SAMD3: variants seen among roughly 807,000 people sequenced by gnomAD.
The protein encoded by SAMD3 is sterile alpha motif domain-containing protein 3.
In SAMD3, 63 loss-of-function variants were observed where a neutral mutation model predicts 58.5. The observed-to-expected ratio is 1.08, with a 90% CI of 0.88 to 1.33. SAMD3 has a LOEUF of 1.33. Ranked by LOEUF, SAMD3 falls within the 40% of genes most tolerant of loss-of-function variation. The pLI is 0.00. For synonymous variants in SAMD3, 220 were observed against 210.3 expected (o/e 1.05, Z -0.40); for missense variants, 604 against 608.4 (o/e 0.99, Z 0.08).
chr6:130,232,282 G>A (rs1367899477), intron 2 of SAMD3, among the ~76,000 whole-genome samples: 1 of 152,150 alleles, frequency 6.6e-6, no homozygotes, highest in Non-Finnish European at 1.5e-5. Context: ...CCAAAGGATT[G>A]GACAAGGCCA....
At chr6:130,263,341 C>T (rs939807039) in intron 2 of SAMD3, among the ~76,000 whole-genome samples, 1 of 152,158 alleles carries the variant, frequency 6.6e-6, no homozygotes, top group Non-Finnish European at 1.5e-5. Flanking sequence ...AGCACTTGTA[C>T]CACCCTTAGA....
intron 2 of SAMD3, among the ~76,000 whole-genome samples, chr6:130,263,841 G>A (rs12198181): frequency 0.49 from 74,572 of 151,838 alleles, 22,216 homozygotes; most frequent in African/African-American, 0.84. Context: ...CCCCAGTGCC[G>A]ACCAGGAGTC....
rs10529435 is a variant in SAMD3, at chr6:130,333,044, C to CGTGTGTGT, written c.-303-19959_-303-19952dup. On this transcript the variant is annotated intron_variant, in intron 1 of 13. Transcript: ENST00000368134. The stretch of plus-strand genomic sequence containing the variant: ...CAAGACAGGGCCACAGTTGAGTATG[C>CGTGTGTGT]GTGTGTGTGTGTGTGTGTGTGTGTG... Among the ~76,000 whole-genome samples, 352 of 143,648 alleles carry CGTGTGTGT rather than the reference C, an allele frequency of 2.5e-3. 2 individuals carry two copies. The highest frequency in any genetic ancestry group is 0.013 in the South Asian group (55 of 4,290). The allele number at this position is 143,648 out of a possible 152,430, so 94.2% of individuals were successfully genotyped here.
At chr6:130,304,176 A>G (rs1202137767) in intron 2 of SAMD3, among the ~76,000 whole-genome samples, 2 of 152,100 alleles carry the variant, frequency 1.3e-5, no homozygotes, top group Non-Finnish European at 2.9e-5. Context: ...ACATTGTTGA[A>G]CAGTCCTAAT....
chr6:130,294,909 A>ATTTTTTTTTTTTTTTTTTTTT lies in SAMD3; in HGVS notation c.-188+18048_-188+18068dup, dbSNP rs774036634. 8.9e-5 allele frequency among the ~76,000 whole-genome samples: 5 copies of ATTTTTTTTTTTTTTTTTTTTT among 56,170 alleles called. 1 individual carries two copies. The highest frequency in any genetic ancestry group is 4.1e-4 in the East Asian group (1 of 2,464). 36.8% of individuals were successfully genotyped at this position (56,170 alleles called of 152,430 possible). A position where few individuals can be genotyped will look rare whatever the true frequency, so the allele number is the denominator to read the frequency against. ...TCTAATTTTTCCATACATTTCTCTG[A>ATTTTTTTTTTTTTTTTTTTTT]TTTTTTTTTTTTTTTTTTTTTTTTT... On this transcript the variant is annotated intron_variant, in intron 2 of 13. Coordinates refer to the SAMD3 transcript ENST00000368134.
At chr6:130,240,959 CCTT>C (rs905981482) in intron 2 of SAMD3, among the ~76,000 whole-genome samples, 10 of 152,126 alleles carry the variant, frequency 6.6e-5, no homozygotes, top group Non-Finnish European at 1.5e-5. Context: ...TCCCTTCTCT[CCTT>C]CTACTAGTAA....
intron 1 of SAMD3, among the ~76,000 whole-genome samples, chr6:130,338,120 C>T (rs777307309): frequency 8.5e-5 from 13 of 152,192 alleles, no homozygotes; most frequent in Non-Finnish European, 1.6e-4. Context: ...AGCCTGGGGA[C>T]TTGGTGCCCT....
intron 2 of SAMD3, among the ~76,000 whole-genome samples, chr6:130,287,667 C>G (rs1487542480): frequency 6.6e-6 from 1 of 151,842 alleles, no homozygotes; most frequent in Non-Finnish European, 1.5e-5. Flanking sequence ...CAGGTGTGGC[C>G]GGGCGCAGTG....
At chr6:130,325,247 G>A (rs1246566270) in intron 1 of SAMD3, among the ~76,000 whole-genome samples, 2 of 152,182 alleles carry the variant, frequency 1.3e-5, no homozygotes, top group Non-Finnish European at 2.9e-5. Context: ...GATTATGGAG[G>A]CCAAGAGTCC....
intron 11 of SAMD3, 119 bp downstream of exon 11, chr6:130,145,221 G>T: frequency 2.0e-6 from 1 of 490,034 alleles, no homozygotes; most frequent in Non-Finnish European, 3.4e-6. Context: ...TCACGCCATT[G>T]TACTCCAGCC....
chr6:130,237,001 A>G lies in SAMD3; in HGVS notation c.-187-14188T>C, dbSNP rs553141683. Among the ~76,000 whole-genome samples the G allele has an allele frequency of 5.3e-4, 81 of 152,346 alleles. 1 individual carries two copies. The highest frequency in any genetic ancestry group is 1.7e-3 in the African/African-American group (69 of 41,584). ...TTTTATCCAACCCTGCTAATAATAT[A>G]AAACCAACTCAAACTTAATATTTTT... On this transcript the variant is annotated intron_variant, in intron 2 of 13. Coordinates refer to the SAMD3 transcript ENST00000368134.
chr6:130,363,237 G>A (rs1249558104), intron 1 of SAMD3, among the ~76,000 whole-genome samples: 1 of 152,112 alleles, frequency 6.6e-6, no homozygotes, highest in Non-Finnish European at 1.5e-5. Flanking sequence ...GCCTAAAAAT[G>A]CTATGGGCTA....
At chr6:130,188,094 T>A (rs1793170705) in intron 5 of SAMD3, among the ~76,000 whole-genome samples, 1 of 152,196 alleles carries the variant, frequency 6.6e-6, no homozygotes, top group Admixed American at 6.5e-5. Context: ...ATTTAAAAAA[T>A]GATTAGATGG....
intron 2 of SAMD3, among the ~76,000 whole-genome samples, chr6:130,260,780 A>T (rs1774097693): frequency 6.6e-6 from 1 of 152,200 alleles, no homozygotes; most frequent in African/African-American, 2.4e-5. Flanking sequence ...GAGACGCCTC[A>T]CCAGAGCAGT....
intron 2 of SAMD3, among the ~76,000 whole-genome samples, chr6:130,279,179 G>A (rs1001536525): frequency 6.6e-6 from 1 of 151,950 alleles, no homozygotes; most frequent in Non-Finnish European, 1.5e-5. Context: ...TCCTGTTCCT[G>A]GTACTCCACC....
At chr6:130,243,790 G>A (rs921035145) in intron 2 of SAMD3, among the ~76,000 whole-genome samples, 5 of 152,048 alleles carry the variant, frequency 3.3e-5, no homozygotes, top group East Asian at 3.8e-4. Context: ...TATCTCTTAC[G>A]TTACACACAC....
At chr6:130,181,273 A>G (rs898401036) in intron 7 of SAMD3, among the ~76,000 whole-genome samples, 1 of 152,176 alleles carries the variant, frequency 6.6e-6, no homozygotes, top group African/African-American at 2.4e-5. Flanking sequence ...TAAGAGTTAA[A>G]AATAAACTTA....
chr6:130,275,968 G>A (rs1243136251), intron 2 of SAMD3, among the ~76,000 whole-genome samples: 1 of 152,016 alleles, frequency 6.6e-6, no homozygotes, highest in Non-Finnish European at 1.5e-5. Context: ...CTTACATGAT[G>A]GAAGGAACTT....
At chr6:130,337,906 C>A (rs1051196511) in intron 1 of SAMD3, among the ~76,000 whole-genome samples, 4 of 152,152 alleles carry the variant, frequency 2.6e-5, no homozygotes, top group African/African-American at 9.7e-5. Context: ...GAAAAGAAAA[C>A]CTCATTTTCT....
Sources: allele counts gnomAD v4.1 joint callset (sites outside exome capture counted in the v4.1 genomes callset), GRCh38; gene constraint gnomAD v4.1.1; transcripts MANE v1.5; gene names NCBI Gene and HGNC (gene_info 2026-07-23, HGNC 2026-07-21).